Variants in DMXL1 observed in about 807,000 individuals in gnomAD.
The protein encoded by DMXL1 is dmX-like protein 1.
In DMXL1, 99 loss-of-function variants were observed where a neutral mutation model predicts 319.2. That is an observed-to-expected ratio of 0.31 (90% confidence interval 0.26 to 0.37). DMXL1 has a LOEUF of 0.37. Ranked by LOEUF, DMXL1 falls within the 10% of genes least tolerant of loss-of-function variation. The pLI is 1.00. For missense variants in DMXL1, 3,745 were observed against 3,595.6 expected (o/e 1.04, Z -1.06); for synonymous variants, 1,385 against 1,235.2 (o/e 1.12, Z -2.54).
chr5:119,219,661 G>A (rs1784319628), intron 35 of DMXL1, among the ~76,000 whole-genome samples: 1 of 152,002 alleles, frequency 6.6e-6, no homozygotes, highest in Non-Finnish European at 1.5e-5. Context: ...TCGACCTCCT[G>A]GGCTCAAGCA....
At chr5:119,238,799 G>T in intron 40 of DMXL1, 190 bp from the exon 41 acceptor site, 1 of 771,506 alleles carries the variant, frequency 1.3e-6, no homozygotes, top group Non-Finnish European at 1.6e-6. Flanking sequence ...AAAAGTTGCT[G>T]CATCTGGGTA....
intron 24 of DMXL1, 73 bp from the exon 25 acceptor site, chr5:119,171,705 C>A (rs1774600037): frequency 1.6e-6 from 2 of 1,217,540 alleles, no homozygotes; most frequent in African/African-American, 1.5e-5. Flanking sequence ...TTTTAAAGAG[C>A]CCTTGATTTA....
At chr5:119,231,382 C>T (rs907187447) in intron 38 of DMXL1, among the ~76,000 whole-genome samples, 1 of 152,102 alleles carries the variant, frequency 6.6e-6, no homozygotes, top group African/African-American at 2.4e-5. Context: ...TCTGACTGGA[C>T]CCAATCCAGT....
At chr5:119,084,000 T>C (rs1191707581) in intron 1 of DMXL1, among the ~76,000 whole-genome samples, 3 of 152,246 alleles carry the variant, frequency 2.0e-5, no homozygotes, top group African/African-American at 7.2e-5. Context: ...GGTGAGATGA[T>C]ATATGTTTAT....
intron 3 of DMXL1, among the ~76,000 whole-genome samples, chr5:119,103,494 C>T (rs1757703818): frequency 6.6e-6 from 1 of 152,108 alleles, no homozygotes; most frequent in African/African-American, 2.4e-5. Context: ...GCTGTTAAGC[C>T]ACAGAACTAA....
chr5:119,180,883 T>C (rs1306506365), intron 28 of DMXL1, among the ~76,000 whole-genome samples: 3 of 152,222 alleles, frequency 2.0e-5, no homozygotes, highest in African/African-American at 7.2e-5. Flanking sequence ...TTTGATCTTG[T>C]TGATGTAAAA....
At chr5:119,082,719 A>G (rs1752508400) in intron 1 of DMXL1, among the ~76,000 whole-genome samples, 1 of 152,242 alleles carries the variant, frequency 6.6e-6, no homozygotes, top group African/African-American at 2.4e-5. Flanking sequence ...TGTTTATGCT[A>G]GAACTATTTG....
intron 32 of DMXL1, among the ~76,000 whole-genome samples, chr5:119,201,918 C>T (rs529649331): frequency 4.7e-4 from 71 of 152,148 alleles, no homozygotes; most frequent in African/African-American, 1.7e-3. Flanking sequence ...GGTAACATCT[C>T]CTTGGTCATT....
intron 19 of DMXL1, among the ~76,000 whole-genome samples, chr5:119,160,950 T>C (rs563817939): frequency 5.3e-5 from 8 of 152,350 alleles, no homozygotes; most frequent in African/African-American, 1.7e-4. Flanking sequence ...ATTCCAAATA[T>C]TCGTCAGTCA....
At chr5:119,074,354 C>T (rs1375163) in intron 1 of DMXL1, among the ~76,000 whole-genome samples, 4,526 of 152,288 alleles carry the variant, frequency 0.03, 205 homozygotes, top group African/African-American at 0.1. Context: ...TGACATCTTC[C>T]TCTTGCAGTT....
chr5:119,137,745 G>T (rs929841480), intron 13 of DMXL1, among the ~76,000 whole-genome samples: 2 of 152,170 alleles, frequency 1.3e-5, no homozygotes, highest in Non-Finnish European at 2.9e-5. Flanking sequence ...CGCCATGATT[G>T]TAAGTTTCCT....
chr5:119,230,424 T>C (rs1200221631), intron 38 of DMXL1, among the ~76,000 whole-genome samples: 3 of 152,240 alleles, frequency 2.0e-5, no homozygotes, highest in African/African-American at 7.2e-5. Context: ...GATATAATTA[T>C]TAAAAATTAA....
At chr5:119,099,492 A>C (rs537367685) in intron 2 of DMXL1, among the ~76,000 whole-genome samples, 1 of 152,288 alleles carries the variant, frequency 6.6e-6, no homozygotes, top group South Asian at 2.1e-4. Flanking sequence ...TACGTGAGCC[A>C]CTGCGCCCAG....
At chr5:119,173,022 T>G (rs1774901174) in intron 25 of DMXL1, among the ~76,000 whole-genome samples, 1 of 152,182 alleles carries the variant, frequency 6.6e-6, no homozygotes, top group South Asian at 2.1e-4. Flanking sequence ...ACCTGTGGTG[T>G]ATCAGTTACC....
intron 19 of DMXL1, among the ~76,000 whole-genome samples, chr5:119,158,662 A>C (rs868108437): frequency 5.9e-5 from 9 of 152,100 alleles, no homozygotes; most frequent in South Asian, 4.2e-4. Context: ...CATTCCTTCT[A>C]CACCTAATTT....
chr5:119,221,060 G>C lies in DMXL1; in HGVS notation c.8256G>C (p.Gln2752His), dbSNP rs1784566567. 1.9e-6 allele frequency: 3 copies of C among 1,611,910 alleles called. No individual in the cohort carries two copies. The highest frequency in any genetic ancestry group is 2.5e-6 in the Non-Finnish European group (3 of 1,178,996). Residue 2752 changes from glutamine to histidine, a missense_variant, in exon 37 of 44, where the codon CAG becomes CAC. Coordinates refer to ENST00000539542, the MANE Select transcript of DMXL1 (RefSeq NM_001290321.3). Reference protein sequence around the residue: ...PINMPWLGSTQTGRGASVMIK... With the variant: ...PINMPWLGSTHTGRGASVMIK... ...ACATGCCATGGCTTGGTAGTACACA[G>C]ACTGGCAGAGGAGCATCTGTGGTAT... is the stretch of plus-strand genomic sequence containing the variant.
rs1236808607 is a variant in DMXL1 at position 119,110,283 on chromosome 5, A to G, written c.497A>G (p.Lys166Arg). ...FGDWKCIWHC[K>R]TASQVHLMKF... is the part of the protein sequence containing the mutation. ...GATTGGAAATGCATTTGGCATTGCA[A>G]GTAAGCAATTAATCAGGGGAGTAAA... Residue 166 changes from lysine (K) to arginine (R), a missense_variant and splice_region_variant, in exon 5 of 44, where the codon AAA (lysine) becomes AGA (arginine). Around this residue, in one of 4 missense-constraint regions of DMXL1, gnomAD observed 2,096 missense variants for 1,985.4 expected, o/e 1.06. Coordinates refer to ENST00000539542, the MANE Select transcript of DMXL1 (RefSeq NM_001290321.3). The G allele has an allele frequency of 1.9e-6, 3 of 1,557,294 alleles. No individual in the cohort carries two copies. Among genetic ancestry groups the G allele is most frequent in the Non-Finnish European group, 2.6e-6 (3 of 1,161,452 alleles).
At chr5:119,231,616 A>T (rs1786741913) in intron 38 of DMXL1, among the ~76,000 whole-genome samples, 1 of 152,226 alleles carries the variant, frequency 6.6e-6, no homozygotes, top group Non-Finnish European at 1.5e-5. Context: ...ACATAGGTAC[A>T]TTAAAAATTT....
At chr5:119,124,641 C>T (rs943517648) in intron 9 of DMXL1, among the ~76,000 whole-genome samples, 1 of 145,766 alleles carries the variant, frequency 6.9e-6, no homozygotes, top group Admixed American at 7.1e-5. Flanking sequence ...TCAAGGCTCA[C>T]TGCAACCTCT....
Sources: gnomAD v4.1 joint callset for allele counts (sites outside exome capture counted in the v4.1 genomes callset) on GRCh38, gnomAD v4.1.1 for gene constraint, gnomAD v4.1.1 regional missense constraint, MANE v1.5 for transcripts, NCBI Gene and HGNC (gene_info 2026-07-23, HGNC 2026-07-21) for gene names.